The following RRAS2 variants were observed in gnomAD, a reference collection of about 807,000 sequenced individuals.
RRAS2 encodes the protein RAS related 2.
A neutral mutation model predicts 27.6 loss-of-function variants in RRAS2; 7 were observed. The ratio of observed to expected loss-of-function variants is 0.25; its 90% CI spans 0.14 to 0.48. RRAS2 has a LOEUF of 0.48. RRAS2 is among the 20% of genes least tolerant of loss of function. RRAS2 has a pLI of 0.99. For missense variants in RRAS2, 178 were observed against 256.2 expected (o/e 0.69, Z 2.08); for synonymous variants, 86 against 90.9 (o/e 0.95, Z 0.31).
chr11:14,347,317 A>C (rs1848856369), intron 1 of RRAS2, among the ~76,000 whole-genome samples: 1 of 152,246 alleles, frequency 6.6e-6, no homozygotes, highest in Non-Finnish European at 1.5e-5. Flanking sequence ...TAACTATTGT[A>C]ATTGTAATAA....
At chr11:14,361,581 T>G (rs1232203997), upstream of RRAS2, among the ~76,000 whole-genome samples, 1 of 152,222 alleles carries the variant, frequency 6.6e-6, no homozygotes, top group East Asian at 1.9e-4. Flanking sequence ...TGACTAAAAT[T>G]AAAAAGACAG....
chr11:14,328,481 A>G (rs574093570), intron 1 of RRAS2, among the ~76,000 whole-genome samples: 8 of 152,256 alleles, frequency 5.3e-5, no homozygotes, highest in African/African-American at 1.9e-4. Flanking sequence ...GGCAAGAGCT[A>G]TAGTAAAATT....
upstream of RRAS2, among the ~76,000 whole-genome samples, chr11:14,361,652 A>C (rs1379701832): frequency 6.6e-6 from 1 of 152,270 alleles, no homozygotes; most frequent in Non-Finnish European, 1.5e-5. Context: ...TAGGTGTGTT[A>C]AATGATGCCA....
intron 1 of RRAS2, among the ~76,000 whole-genome samples, chr11:14,336,563 C>G (rs1591480989): frequency 6.6e-6 from 1 of 152,076 alleles, no homozygotes; most frequent in Non-Finnish European, 1.5e-5. Context: ...CAAATGGGAG[C>G]TTAAAACTAA....
intron 1 of RRAS2, among the ~76,000 whole-genome samples, chr11:14,348,762 G>A (rs1245908162): frequency 1.3e-5 from 2 of 151,984 alleles, no homozygotes; most frequent in African/African-American, 2.4e-5. Context: ...CCCCTATTCT[G>A]GAATCCTCCA....
chr11:14,328,668 A>ATT (rs375300285), intron 1 of RRAS2, among the ~76,000 whole-genome samples: 4 of 146,320 alleles, frequency 2.7e-5, no homozygotes, highest in African/African-American at 5.0e-5. Context: ...ACATACACCA[A>ATT]TTTTTTTTTT....
At chr11:14,339,980 G>A (rs552790960) in intron 1 of RRAS2, among the ~76,000 whole-genome samples, 1 of 151,874 alleles carries the variant, frequency 6.6e-6, no homozygotes, top group East Asian at 2.0e-4. Context: ...ATAGCCGGGT[G>A]TGGTGGTGCA....
chr11:14,278,307 CCA>C lies in RRAS2; in HGVS notation c.*1028_*1029del, dbSNP rs1396397368. ...ACCAGACCAGCAAGTAAAAGTTCTACCACAGTTTCTGTAGTTTCCACTTGTTT... is the reference window on the plus strand; with the variant it reads ...ACCAGACCAGCAAGTAAAAGTTCTACCAGTTTCTGTAGTTTCCACTTGTTT... On this transcript the variant is annotated 3_prime_UTR_variant, in exon 6 of 6. Coordinates refer to ENST00000256196, the MANE Select transcript of RRAS2 (RefSeq NM_012250.6). 2.0e-5 allele frequency: 3 copies of C among 152,188 alleles called. No homozygotes were observed. Among genetic ancestry groups the C allele is most frequent in the Non-Finnish European group, 2.9e-5 (2 of 68,024 alleles). 9.4% of individuals were successfully genotyped at this position (152,188 alleles called of 1,614,324 possible). A position where few individuals can be genotyped will look rare whatever the true frequency, so the allele number is the denominator to read the frequency against.
At chr11:14,331,083 T>G (rs1028307847) in intron 1 of RRAS2, among the ~76,000 whole-genome samples, 7 of 152,118 alleles carry the variant, frequency 4.6e-5, no homozygotes, top group African/African-American at 1.4e-4. Flanking sequence ...CGCCTGACCC[T>G]AAATCCAGAT....
At position 14,358,983 on chromosome 11, in the gene RRAS2, G is replaced by T; in HGVS notation, c.-113C>A. On this transcript the variant is annotated 5_prime_UTR_variant, in exon 1 of 6. Transcript: ENST00000256196. The surrounding 1 kb of genome is among the most constrained non-coding windows in gnomAD (Gnocchi z 5.1). ...GGCTGCGGGCGAGCGGCCGGGCTGGGGTCCCGGGTACCGGGAGGCGTCTGG... is the reference window on the plus strand; with the variant it reads ...GGCTGCGGGCGAGCGGCCGGGCTGGTGTCCCGGGTACCGGGAGGCGTCTGG... The T allele has an allele frequency of 8.7e-7, 1 of 1,147,930 alleles. No homozygotes were observed. Among genetic ancestry groups the T allele is most frequent in the African/African-American group, 1.6e-5 (1 of 61,072 alleles). The allele number at this position is 1,147,930 out of a possible 1,614,324, so 71.1% of individuals were successfully genotyped here. A position where few individuals can be genotyped will look rare whatever the true frequency, so the allele number is the denominator to read the frequency against.
chr11:14,278,422 A>G lies in RRAS2; in HGVS notation c.*915T>C, dbSNP rs1383368865. 6.6e-6 allele frequency: 1 copy of G among 152,252 alleles called. No individual in the cohort carries two copies. Among genetic ancestry groups the G allele is most frequent in the Non-Finnish European group, 1.5e-5 (1 of 68,030 alleles). The allele number at this position is 152,252 out of a possible 1,614,324, so 9.4% of individuals were successfully genotyped here. On this transcript the variant is annotated 3_prime_UTR_variant, in exon 6 of 6. Coordinates refer to ENST00000256196, the MANE Select transcript of RRAS2 (RefSeq NM_012250.6). ...ATGCTATGAAAGCATATCTGCTTAC[A>G]AACATATAAAAATACTTGTTAACTA...
chr11:14,339,018 G>A (rs1039304288), intron 1 of RRAS2, among the ~76,000 whole-genome samples: 6 of 152,024 alleles, frequency 3.9e-5, no homozygotes, highest in African/African-American at 9.7e-5. Context: ...ACACCACCAC[G>A]CCATTTATCT....
At chr11:14,355,981 A>C (rs1284237577) in intron 1 of RRAS2, among the ~76,000 whole-genome samples, 2 of 152,220 alleles carry the variant, frequency 1.3e-5, no homozygotes, top group African/African-American at 4.8e-5. Context: ...AATTAATATA[A>C]AAATGTATGC....
At chr11:14,284,730 A>G (rs952784921) in intron 4 of RRAS2, among the ~76,000 whole-genome samples, 1 of 152,162 alleles carries the variant, frequency 6.6e-6, no homozygotes, top group African/African-American at 2.4e-5. Flanking sequence ...TCTCTTTATC[A>G]TTATATAACA....
chr11:14,341,866 C>T (rs1554953326), intron 1 of RRAS2: 3 of 453,364 alleles, frequency 6.6e-6, no homozygotes, highest in Non-Finnish European at 1.3e-5. Flanking sequence ...TGCATGCCTC[C>T]TCAATAATAT....
chr11:14,281,881 C>T (rs1045192090), intron 4 of RRAS2, among the ~76,000 whole-genome samples, 161 bp from the exon 5 acceptor site: 1 of 152,194 alleles, frequency 6.6e-6, no homozygotes, highest in African/African-American at 2.4e-5. Flanking sequence ...CTAAAGCCCA[C>T]CTCTGCAGAA....
intron 1 of RRAS2, among the ~76,000 whole-genome samples, chr11:14,298,137 G>A (rs373160246): frequency 9.1e-4 from 139 of 152,198 alleles, no homozygotes; most frequent in Middle Eastern, 3.4e-3. Context: ...TCTTTCACAA[G>A]CAAATTGGAT....
chr11:14,323,445 G>A (rs1381449971), intron 1 of RRAS2, among the ~76,000 whole-genome samples: 4 of 149,542 alleles, frequency 2.7e-5, no homozygotes, highest in African/African-American at 5.0e-5. Context: ...GTGACAGAGC[G>A]AGACCCTGTC....
intron 1 of RRAS2, among the ~76,000 whole-genome samples, chr11:14,307,909 T>A (rs1554948336): frequency 6.6e-6 from 1 of 152,086 alleles, no homozygotes; most frequent in South Asian, 2.1e-4. Flanking sequence ...CAGAAACTTA[T>A]CCTGCCGATA....
Sources: allele counts gnomAD v4.1 joint callset (sites outside exome capture counted in the v4.1 genomes callset), GRCh38; gene constraint gnomAD v4.1.1; non-coding constraint Gnocchi (gnomAD v3.1); transcripts MANE v1.5; gene names NCBI Gene and HGNC (gene_info 2026-07-23, HGNC 2026-07-21).